The following ERICH3 variants were observed in gnomAD, a reference collection of about 807,000 sequenced individuals.
The protein encoded by ERICH3 is glutamate-rich protein 3.
Under a neutral mutation model 131.1 loss-of-function variants are expected in ERICH3, and 126 were observed. The ratio of observed to expected loss-of-function variants is 0.96; its 90% CI spans 0.83 to 1.11. ERICH3 has a LOEUF of 1.11. ERICH3 is among the 50% of genes most tolerant of loss of function. The pLI is 0.00. For synonymous variants in ERICH3, 695 were observed against 644.6 expected (o/e 1.08, Z -1.18); for missense variants, 2,050 against 1,810.7 (o/e 1.13, Z -2.40).
chr1:74,626,601 C>T (rs1236997518), intron 7 of ERICH3, among the ~76,000 whole-genome samples: 1 of 152,126 alleles, frequency 6.6e-6, no homozygotes, highest in African/African-American at 2.4e-5. Context: ...ATGAAACTTT[C>T]CACATTTTCA....
rs570801529 is a variant in ERICH3 at position 74,611,447 on chromosome 1, C to T, written c.1187+1176G>A. Among the ~76,000 whole-genome samples the T allele has an allele frequency of 2.6e-5, 4 of 152,202 alleles. No homozygotes were observed. The South Asian group carries it at 8.3e-4, about 32-fold the overall frequency. ...GATTAAAGCAGTTTCTGATATTTTC[C>T]CCACACACCCTTGTTTATTTTTCCC... On this transcript the variant is annotated intron_variant, in intron 9 of 14. Transcript: ENST00000326665.
rs756670925 is a variant in ERICH3 at position 74,571,637 on chromosome 1, T to C, written c.4073A>G (p.Glu1358Gly). The C allele has an allele frequency of 2.5e-6, 4 of 1,613,966 alleles. No homozygotes were observed. The highest frequency in any genetic ancestry group is 3.3e-5 in the Admixed American group (2 of 59,994). ...ETAETAAEER[E>G]VLAGSETAEE... ...GGCTGTCTCCGAACCTGCCAACACC[T>C]CCCTCTCCTCTGCGGCTGTTTCTGC... is the stretch of plus-strand genomic sequence containing the variant. Residue 1358 changes from glutamate to glycine, a missense_variant, in exon 14 of 15, where the codon GAG becomes GGG. By Grantham distance (98) the Glu-to-Gly change is moderately conservative. Coordinates refer to ENST00000326665, the MANE Select transcript of ERICH3 (RefSeq NM_001002912.5).
chr1:74,649,130 G>T, intron 2 of ERICH3, 92 bp downstream of exon 2: 1 of 803,492 alleles, frequency 1.2e-6, no homozygotes, highest in Non-Finnish European at 1.9e-6. Context: ...AGGGCAAGTG[G>T]AAGATGTCAC....
chr1:74,590,092 A>G lies in ERICH3; in HGVS notation c.1727-12T>C. ...AGCAGTTTTCATATCTACAAAAAATAAAAGTGATGACATTGTTGTTGTTCT... is the reference window on the plus strand; with the variant it reads ...AGCAGTTTTCATATCTACAAAAAATGAAAGTGATGACATTGTTGTTGTTCT... On this transcript the variant is annotated splice_polypyrimidine_tract_variant and intron_variant, in intron 11 of 14. Coordinates refer to ENST00000326665, the MANE Select transcript of ERICH3 (RefSeq NM_001002912.5). 1 of 1,551,292 alleles carries G rather than the reference A, an allele frequency of 6.4e-7. No individual in the cohort carries two copies. The highest frequency in any genetic ancestry group is 8.7e-7 in the Non-Finnish European group (1 of 1,144,202).
At chr1:74,583,249 T>A (rs577315037) in intron 12 of ERICH3, among the ~76,000 whole-genome samples, 1 of 152,272 alleles carries the variant, frequency 6.6e-6, no homozygotes, top group East Asian at 1.9e-4. Flanking sequence ...TTTTACAGTA[T>A]AGGAGTCTCC....
Position 74,589,981 on chromosome 1 carries a change from C to A in ERICH3, c.1826G>T (p.Ser609Ile). The A allele has an allele frequency of 6.2e-7, 1 of 1,613,998 alleles. No homozygotes were observed. The highest frequency in any genetic ancestry group is 8.5e-7 in the Non-Finnish European group (1 of 1,179,936). ...CCTTCTGGCACTTTCATCTGTGCTG[C>A]TGTCAGTGTGGGCTTCCCTGTCCCC... is the stretch of plus-strand genomic sequence containing the variant. ...AVGDREAHTD[S>I]STDESARRSS... Residue 609 changes from serine to isoleucine, a missense_variant, in exon 12 of 15, where the codon AGC becomes ATC. Coordinates refer to ENST00000326665, the MANE Select transcript of ERICH3 (RefSeq NM_001002912.5).
At chr1:74,642,655 A>T (rs748746348) in intron 4 of ERICH3, among the ~76,000 whole-genome samples, 1 of 152,132 alleles carries the variant, frequency 6.6e-6, no homozygotes. Context: ...TCATTGTATC[A>T]TTCCTAAAAA....
chr1:74,612,702 G>T lies in ERICH3; in HGVS notation c.1108C>A (p.His370Asn), dbSNP rs756690781. 6.2e-7 allele frequency: 1 copy of T among 1,603,876 alleles called. No individual in the cohort carries two copies. The highest frequency in any genetic ancestry group is 1.7e-5 in the Admixed American group (1 of 59,938). The change falls in exon 9 of 15, where the codon CAT becomes AAT. Residue 370 changes from histidine (H) to asparagine (N), a missense_variant. By Grantham distance (68) the His-to-Asn change is moderately conservative. Coordinates refer to ENST00000326665, the MANE Select transcript of ERICH3 (RefSeq NM_001002912.5). ...NRLSSCCEYK[H>N]RKGSRLGGKR... Reference sequence around the variant, plus strand: ...CCTCCAAGCCTGGAACCTTTCCGATGCTTGTATTCACAACAGGAGCTTAAC... The same window carrying T: ...CCTCCAAGCCTGGAACCTTTCCGATTCTTGTATTCACAACAGGAGCTTAAC...
chr1:74,643,880 A>C (rs1463494835), intron 3 of ERICH3, among the ~76,000 whole-genome samples: 1 of 152,132 alleles, frequency 6.6e-6, no homozygotes, highest in Non-Finnish European at 1.5e-5. Context: ...ACATAGTATG[A>C]GTTTACTAAG....
intron 1 of ERICH3, among the ~76,000 whole-genome samples, chr1:74,653,739 T>C (rs1322813242): frequency 6.6e-6 from 1 of 152,110 alleles, no homozygotes; most frequent in Non-Finnish European, 1.5e-5. Context: ...CCTAAGGCAA[T>C]ATTTCTTTAT....
At chr1:74,646,938 AG>A (rs1646490229) in intron 2 of ERICH3, 146 bp from the exon 3 acceptor site, 1 of 190,650 alleles carries the variant, frequency 5.2e-6, no homozygotes, top group Non-Finnish European at 1.1e-5. Context: ...AGAGAGAGAG[AG>A]GCATTGGGGA....
chr1:74,629,632 T>C (rs1344483887), intron 7 of ERICH3, among the ~76,000 whole-genome samples: 1 of 152,128 alleles, frequency 6.6e-6, no homozygotes, highest in Non-Finnish European at 1.5e-5. Context: ...CTGCTGGACA[T>C]CCAGTGTCTG....
In ERICH3 at chr1:74,572,635, G is replaced by A. The variant is rs1646974517; in HGVS notation, c.3075C>T (p.Cys1025=). Reference sequence around the variant, plus strand: ...TCTCTTCCCCTTCCACATCTTCCTTGCAAAGGAAGGCTTCCTTTGCAAGGC... The same window carrying A: ...TCTCTTCCCCTTCCACATCTTCCTTACAAAGGAAGGCTTCCTTTGCAAGGC... ...EGSLAKEAFL[C]KEDVEGEEMV... is the part of the protein sequence containing the mutation. Residue 1025 remains cysteine (C), a synonymous_variant, in exon 14 of 15, where the codon TGC becomes TGT. Coordinates refer to ENST00000326665, the MANE Select transcript of ERICH3 (RefSeq NM_001002912.5). 1.2e-6 allele frequency: 2 copies of A among 1,613,516 alleles called. No individual in the cohort carries two copies. Among genetic ancestry groups the A allele is most frequent in the Non-Finnish European group, 8.5e-7 (1 of 1,179,876 alleles).
intron 12 of ERICH3, among the ~76,000 whole-genome samples, chr1:74,580,311 A>G (rs1647155028): frequency 6.8e-6 from 1 of 147,300 alleles, no homozygotes; most frequent in South Asian, 2.1e-4. Flanking sequence ...ATTATAATAA[A>G]GTCTTACTAA....
Position 74,606,600 on chromosome 1 carries a change from C to T in ERICH3, c.1489+1G>A, listed in dbSNP as rs768211328. 9 of 1,596,810 alleles carry T rather than the reference C, an allele frequency of 5.6e-6. No homozygotes were observed. Among genetic ancestry groups the T allele is most frequent in the Non-Finnish European group, 7.7e-6 (9 of 1,171,430 alleles). On this transcript the variant is annotated splice_donor_variant, in intron 10 of 14. Transcript: ENST00000326665. LOFTEE classifies it high-confidence loss of function. Reference sequence around the variant, plus strand: ...CAAAAGAAACTTGTGTTGTTGATTACCATATTTTAAAGTATTTTCCTGGTC... The same window carrying T: ...CAAAAGAAACTTGTGTTGTTGATTATCATATTTTAAAGTATTTTCCTGGTC...
At chr1:74,671,620 T>G (rs2100664270) in intron 1 of ERICH3, among the ~76,000 whole-genome samples, 1 of 152,306 alleles carries the variant, frequency 6.6e-6, no homozygotes, top group East Asian at 1.9e-4. Flanking sequence ...GTCCTCAAAT[T>G]CCTTATCTGT....
At chr1:74,580,613 T>C (rs925982319) in intron 12 of ERICH3, among the ~76,000 whole-genome samples, 1 of 152,210 alleles carries the variant, frequency 6.6e-6, no homozygotes, top group African/African-American at 2.4e-5. Flanking sequence ...GATAATTTAG[T>C]AATTGAAAAG....
chr1:74,644,369 T>C (rs187059843), intron 3 of ERICH3, among the ~76,000 whole-genome samples: 64 of 152,226 alleles, frequency 4.2e-4, no homozygotes, highest in African/African-American at 1.5e-3. Context: ...GAAACTACTT[T>C]TGCCAAGTCC....
chr1:74,645,882 T>C (rs1361302781), intron 3 of ERICH3, among the ~76,000 whole-genome samples: 34 of 152,090 alleles, frequency 2.2e-4, no homozygotes, highest in Admixed American at 2.2e-3. Context: ...GATTCTACAG[T>C]TGTTCATAAA....
Sources: gnomAD v4.1 joint callset for allele counts (sites outside exome capture counted in the v4.1 genomes callset) on GRCh38, gnomAD v4.1.1 for gene constraint, MANE v1.5 for transcripts, NCBI Gene and HGNC (gene_info 2026-07-23, HGNC 2026-07-21) for gene names.